CNTNAP2: variants seen among roughly 807,000 people sequenced by gnomAD.
CNTNAP2 encodes the protein contactin associated protein 2.
A neutral mutation model predicts 155.2 loss-of-function variants in CNTNAP2; 98 were observed. The observed-to-expected ratio is 0.63, with a 90% CI of 0.54 to 0.75. The LOEUF (loss-of-function observed/expected upper bound fraction) is 0.75, where lower values mean the gene tolerates loss of function less well. Ranked by LOEUF, CNTNAP2 falls within the 30% of genes least tolerant of loss-of-function variation. CNTNAP2 has a pLI of 0.00. For synonymous variants in CNTNAP2, 651 were observed against 631.2 expected (o/e 1.03, Z -0.47); for missense variants, 1,727 against 1,688.1 (o/e 1.02, Z -0.40).
chr7:148,373,629 TCAAA>T (rs1324813532), intron 21 of CNTNAP2, among the ~76,000 whole-genome samples: 1 of 152,190 alleles, frequency 6.6e-6, no homozygotes, highest in Non-Finnish European at 1.5e-5. Flanking sequence ...ACTGTACTAC[TCAAA>T]CATATTACAA....
intron 11 of CNTNAP2, among the ~76,000 whole-genome samples, chr7:147,507,172 T>A (rs1313892192): frequency 6.6e-6 from 1 of 152,144 alleles, no homozygotes; most frequent in Non-Finnish European, 1.5e-5. Context: ...CCTTCAGACC[T>A]ACTCTCCAGA....
intron 1 of CNTNAP2, among the ~76,000 whole-genome samples, chr7:146,460,273 A>C (rs996097123): frequency 6.6e-6 from 1 of 152,226 alleles, no homozygotes; most frequent in African/African-American, 2.4e-5. Context: ...ATTAATTCTT[A>C]TTAAGTGTTA....
intron 1 of CNTNAP2, among the ~76,000 whole-genome samples, chr7:146,272,253 A>C (rs1313958916): frequency 6.6e-6 from 1 of 152,184 alleles, no homozygotes; most frequent in African/African-American, 2.4e-5. Context: ...CTATAAAACT[A>C]TCAGAGCTGA....
chr7:148,252,142 T>C (rs77947760), intron 20 of CNTNAP2, among the ~76,000 whole-genome samples: 20,046 of 152,244 alleles, frequency 0.13, 2,359 homozygotes, highest in East Asian at 0.55. Context: ...AGTTTCTTCC[T>C]ACATTTAGGC....
chr7:147,504,702 C>G (rs370184161), intron 11 of CNTNAP2, among the ~76,000 whole-genome samples: 3 of 39,904 alleles, frequency 7.5e-5, no homozygotes, highest in African/African-American at 1.5e-4. Context: ...AAAAAAAAAA[C>G]AAAAAACCTC....
At position 146,990,919 on chromosome 7, in the gene CNTNAP2, C is replaced by T. The variant is rs568286238; in HGVS notation, c.403-52988C>T. On this transcript the variant is annotated intron_variant, in intron 3 of 23. Coordinates refer to ENST00000361727, the MANE Select transcript of CNTNAP2 (RefSeq NM_014141.6). The stretch of plus-strand genomic sequence containing the variant: ...CTTTGGTTTAGCTGGAGTGTCGTGC[C>T]ATAGTCAGAGGATTCTGGGGGAAAT... Among the ~76,000 whole-genome samples the T allele has an allele frequency of 2.0e-5, 3 of 152,062 alleles. No homozygotes were observed. The East Asian group carries it at 5.8e-4, about 30-fold the overall frequency.
chr7:146,279,454 ACACACACACTTC>A (rs1224502726), intron 1 of CNTNAP2, among the ~76,000 whole-genome samples: 2 of 151,186 alleles, frequency 1.3e-5, no homozygotes, highest in African/African-American at 4.9e-5. Context: ...ACACACACAC[ACACACACACTTC>A]CACACACTAA....
intron 2 of CNTNAP2, among the ~76,000 whole-genome samples, chr7:146,784,234 A>T (rs1318260950): frequency 6.6e-6 from 1 of 152,168 alleles, no homozygotes; most frequent in Non-Finnish European, 1.5e-5. Flanking sequence ...CTATTGAGAA[A>T]ATCATGTACT....
chr7:146,717,708 A>G (rs1801215366), intron 1 of CNTNAP2, among the ~76,000 whole-genome samples: 1 of 152,080 alleles, frequency 6.6e-6, no homozygotes, highest in South Asian at 2.1e-4. Context: ...TTCATTGAGT[A>G]GTGATGATGA....
At chr7:146,800,402 C>A (rs766181211) in intron 2 of CNTNAP2, among the ~76,000 whole-genome samples, 15 of 152,218 alleles carry the variant, frequency 9.9e-5, no homozygotes, top group Non-Finnish European at 2.2e-4. Context: ...TGACCCTAGC[C>A]TTGTCAGAAA....
intron 9 of CNTNAP2, among the ~76,000 whole-genome samples, chr7:147,365,112 TATATG>T (rs1796205894): frequency 6.6e-6 from 1 of 151,998 alleles, no homozygotes. Context: ...TTTTAAAACT[TATATG>T]AATAGGCCGA....
chr7:146,137,460 C>A (rs1026871237), intron 1 of CNTNAP2, among the ~76,000 whole-genome samples: 1 of 151,720 alleles, frequency 6.6e-6, no homozygotes, highest in East Asian at 1.9e-4. Context: ...CATTTTTTTT[C>A]TTTTGCATAT....
At chr7:146,305,103 C>T (rs1208830142) in intron 1 of CNTNAP2, among the ~76,000 whole-genome samples, 1 of 152,044 alleles carries the variant, frequency 6.6e-6, no homozygotes, top group Non-Finnish European at 1.5e-5. Flanking sequence ...GTTCTCATGC[C>T]ATGGTTTTTA....
chr7:146,345,762 G>A (rs143566771), intron 1 of CNTNAP2, among the ~76,000 whole-genome samples: 118 of 152,212 alleles, frequency 7.8e-4, no homozygotes, highest in African/African-American at 2.6e-3. Context: ...AAAAGAAAAT[G>A]GTATTTTGCT....
At chr7:147,492,263 G>A (rs1156740715) in intron 11 of CNTNAP2, among the ~76,000 whole-genome samples, 1 of 152,166 alleles carries the variant, frequency 6.6e-6, no homozygotes, top group South Asian at 2.1e-4. Context: ...AGGATCCTAT[G>A]AGAATCTATT....
chr7:147,708,028 C>A (rs1264093526), intron 13 of CNTNAP2, among the ~76,000 whole-genome samples: 2 of 152,084 alleles, frequency 1.3e-5, no homozygotes, highest in Non-Finnish European at 2.9e-5. Context: ...GTCCTCAGAC[C>A]TCCCAGTGGT....
chr7:147,354,816 C>T (rs1584894674), intron 9 of CNTNAP2, among the ~76,000 whole-genome samples: 1 of 152,040 alleles, frequency 6.6e-6, no homozygotes, highest in Non-Finnish European at 1.5e-5. Flanking sequence ...TTTCCTTGAG[C>T]AGTGGTTTGT....
intron 13 of CNTNAP2, among the ~76,000 whole-genome samples, chr7:147,898,580 C>T (rs143037436): frequency 1.5e-3 from 234 of 152,002 alleles, no homozygotes; most frequent in African/African-American, 5.5e-3. Flanking sequence ...AGTGCAATGG[C>T]GTAATCTTGG....
In CNTNAP2 at chr7:147,706,899, C is replaced by T. The variant is rs117522557; in HGVS notation, c.2098+67593C>T. Among the ~76,000 whole-genome samples the T allele has an allele frequency of 5.7e-3, 871 of 152,200 alleles. 2 individuals are homozygous for T. The highest frequency in any genetic ancestry group is 9.6e-3 in the Non-Finnish European group (651 of 67,986). On this transcript the variant is annotated intron_variant, in intron 13 of 23. Coordinates refer to ENST00000361727, the MANE Select transcript of CNTNAP2 (RefSeq NM_014141.6). ...TTAAAGTTCGGAAATTCTTTCTTCT[C>T]TTTCATCTAATATATTGTTGAAGCT...
Sources: gnomAD v4.1 joint callset for allele counts (sites outside exome capture counted in the v4.1 genomes callset) on GRCh38, gnomAD v4.1.1 for gene constraint, MANE v1.5 for transcripts, NCBI Gene and HGNC (gene_info 2026-07-23, HGNC 2026-07-21) for gene names.